The following TRMT11 variants were observed in gnomAD, a reference collection of about 807,000 sequenced individuals.
The protein encoded by TRMT11 is tRNA (guanine(10)-N(2))-methyltransferase TRMT11.
A neutral mutation model predicts 62.8 loss-of-function variants in TRMT11; 53 were observed. The ratio of observed to expected loss-of-function variants is 0.84; its 90% CI spans 0.68 to 1.06. TRMT11 has a LOEUF of 1.06. TRMT11 is among the 50% of genes least tolerant of loss of function. The pLI is 0.00. For synonymous variants in TRMT11, 188 were observed against 190.3 expected, an observed-to-expected ratio of 0.99 and a Z score of 0.10; for missense variants, 556 against 553.4, an observed-to-expected ratio of 1.00 and a Z score of -0.05.
the TRMT11 span, among the ~76,000 whole-genome samples, chr6:126,257,683 C>T: frequency 6.6e-6 from 1 of 152,018 alleles, no homozygotes; most frequent in Non-Finnish European, 1.5e-5. Context: ...TTTAGCTGCA[C>T]CAAAGGCATA....
chr6:126,058,908 A>C (rs890679003), intron 17 of TRMT11, among the ~76,000 whole-genome samples: 11 of 152,040 alleles, frequency 7.2e-5, no homozygotes, highest in Non-Finnish European at 1.3e-4. Flanking sequence ...AGCTGGCTGG[A>C]TTTTGTTACT....
At chr6:126,264,328 T>C in the TRMT11 span, among the ~76,000 whole-genome samples, 2,140 of 152,312 alleles carry the variant, frequency 0.014, 49 homozygotes, top group African/African-American at 0.046. Context: ...TGAGGAATCA[T>C]GGTCATAAAA....
intron 17 of TRMT11, among the ~76,000 whole-genome samples, chr6:126,080,703 T>G (rs1453368822): frequency 1.3e-5 from 2 of 152,224 alleles, no homozygotes; most frequent in Middle Eastern, 3.2e-3. Context: ...TCCTGTGACC[T>G]AAACTACTCA....
At chr6:126,249,696 G>A in the TRMT11 span, among the ~76,000 whole-genome samples, 3 of 152,056 alleles carry the variant, frequency 2.0e-5, no homozygotes, top group Non-Finnish European at 2.9e-5. Flanking sequence ...GAAAGTGTGG[G>A]GATAGGGAGG....
chr6:126,022,536 AC>A (rs1365264685), intron 12 of TRMT11, among the ~76,000 whole-genome samples: 3 of 152,084 alleles, frequency 2.0e-5, no homozygotes, highest in Non-Finnish European at 2.9e-5. Flanking sequence ...ATTACCATAC[AC>A]CTGGTTTATG....
chr6:125,989,099 G>A (rs952176415), intron 1 of TRMT11, among the ~76,000 whole-genome samples: 1 of 149,136 alleles, frequency 6.7e-6, no homozygotes, highest in Non-Finnish European at 1.5e-5. Flanking sequence ...CAAATGTTTT[G>A]ACACCATTCT....
intron 1 of TRMT11, among the ~76,000 whole-genome samples, chr6:126,194,199 T>C (rs1778638430): frequency 1.3e-5 from 2 of 152,212 alleles, no homozygotes; most frequent in Non-Finnish European, 2.9e-5. Flanking sequence ...CTGATGTTTG[T>C]GGATTTTCTG....
intron 9 of TRMT11, 98 bp downstream of exon 9, chr6:126,011,515 A>T (rs545763195): frequency 2.1e-5 from 21 of 1,005,158 alleles, no homozygotes; most frequent in Non-Finnish European, 3.1e-5. Context: ...CAAAATGCCA[A>T]CTTGTCAGTA....
rs1778194657 is a variant in TRMT11, at chr6:126,161,846, CT to C, written c.*1824-12971del. 5.3e-5 allele frequency among the ~76,000 whole-genome samples: 8 copies of C among 152,052 alleles called. No homozygotes were observed. In the South Asian group the frequency reaches 1.7e-3, roughly 32 times the overall value. On this transcript the variant is annotated intron_variant and NMD_transcript_variant, in intron 21 of 22. Transcript: ENST00000648977. ...TTCTCTAATGAACAGTGATGATGAG[CT>C]TTTTTTTCATATGTTTGTTGGCTGC...
intron 17 of TRMT11, among the ~76,000 whole-genome samples, chr6:126,090,614 G>A (rs1042972470): frequency 6.6e-6 from 1 of 152,110 alleles, no homozygotes; most frequent in Non-Finnish European, 1.5e-5. Context: ...TTGGCCTCAT[G>A]GAGTCATTTC....
chr6:126,053,152 C>T (rs1203094852), exon 17 of TRMT11, among the ~76,000 whole-genome samples: 1 of 152,024 alleles, frequency 6.6e-6, no homozygotes, highest in East Asian at 1.9e-4. Context: ...CCTCAATGAG[C>T]TCATGGTCTG....
At chr6:126,048,921 C>T (rs1776135551) in intron 16 of TRMT11, among the ~76,000 whole-genome samples, 1 of 152,186 alleles carries the variant, frequency 6.6e-6, no homozygotes, top group Non-Finnish European at 1.5e-5. Context: ...TTGACTCCAG[C>T]CACACCACTT....
At chr6:126,186,591 C>G (rs1158096270) in intron 1 of TRMT11, among the ~76,000 whole-genome samples, 2 of 152,038 alleles carry the variant, frequency 1.3e-5, no homozygotes, top group Non-Finnish European at 2.9e-5. Flanking sequence ...AGGAAAATTG[C>G]TGTTTTAATT....
At chr6:126,150,034 G>C (rs892989552) in intron 21 of TRMT11, among the ~76,000 whole-genome samples, 6 of 152,128 alleles carry the variant, frequency 3.9e-5, no homozygotes, top group African/African-American at 1.4e-4. Context: ...AATCCCTAAT[G>C]TTGCGGTATT....
chr6:126,226,569 T>G, the TRMT11 span, among the ~76,000 whole-genome samples: 2 of 152,216 alleles, frequency 1.3e-5, no homozygotes, highest in Non-Finnish European at 2.9e-5. Context: ...ATGGTGTTTG[T>G]TGCCTATTAT....
chr6:126,156,243 A>C (rs1270123437), intron 21 of TRMT11, among the ~76,000 whole-genome samples: 1 of 152,064 alleles, frequency 6.6e-6, no homozygotes, highest in African/African-American at 2.4e-5. Context: ...TGACTCTACT[A>C]TTCTCCGGTC....
At chr6:126,191,327 C>T (rs1583904761) in intron 1 of TRMT11, among the ~76,000 whole-genome samples, 1 of 152,048 alleles carries the variant, frequency 6.6e-6, no homozygotes, top group South Asian at 2.1e-4. Flanking sequence ...TTGAGTTCCT[C>T]ATATATTCTG....
the TRMT11 span, among the ~76,000 whole-genome samples, chr6:126,272,192 G>C: frequency 6.6e-6 from 1 of 152,148 alleles, no homozygotes; most frequent in African/African-American, 2.4e-5. Context: ...GCATTGGACA[G>C]AGCATGCTCT....
At chr6:126,181,988 G>A (rs1432543427) in intron 1 of TRMT11, among the ~76,000 whole-genome samples, 1 of 152,178 alleles carries the variant, frequency 6.6e-6, no homozygotes, top group Non-Finnish European at 1.5e-5. Context: ...TGAAAAGACA[G>A]ATTCAAAAGA....
Sources: allele counts gnomAD v4.1 joint callset (sites outside exome capture counted in the v4.1 genomes callset), GRCh38; gene constraint gnomAD v4.1.1; transcripts MANE v1.5; gene names NCBI Gene and HGNC (gene_info 2026-07-23, HGNC 2026-07-21).